APOLD1: variants seen among roughly 807,000 people sequenced by gnomAD.
APOLD1 encodes the protein apolipoprotein L domain-containing protein 1.
Under a neutral mutation model 15.3 loss-of-function variants are expected in APOLD1, and 22 were observed. The ratio of observed to expected loss-of-function variants is 1.44; its 90% CI spans 1.03 to 2.05. The LOEUF (loss-of-function observed/expected upper bound fraction) is 2.05, where lower values mean the gene tolerates loss of function less well. APOLD1 is among the 30% of genes most tolerant of loss of function. The pLI is 0.00. For synonymous variants in APOLD1, 190 were observed against 167.4 expected (o/e 1.13, Z -1.04); for missense variants, 394 against 353.5 (o/e 1.11, Z -0.92).
chr12:12,761,808 C>T (rs573860751), intron 1 of APOLD1, among the ~76,000 whole-genome samples: 2,306 of 79,678 alleles, frequency 0.029, 103 homozygotes, highest in African/African-American at 0.1. Context: ...TATACATGAA[C>T]ATATACATAT....
intron 1 of APOLD1, among the ~76,000 whole-genome samples, chr12:12,743,327 C>T (rs1946741739): frequency 6.6e-6 from 1 of 152,006 alleles, no homozygotes; most frequent in Admixed American, 6.5e-5. Flanking sequence ...CCCAGTCAAT[C>T]ACTGATGCCA....
At chr12:12,742,129 G>A (rs1308401522) in intron 1 of APOLD1, among the ~76,000 whole-genome samples, 1 of 152,086 alleles carries the variant, frequency 6.6e-6, no homozygotes, top group Non-Finnish European at 1.5e-5. Context: ...AGCTATGTCC[G>A]GAATGGCTCT....
chr12:12,765,396 AT>A (rs1341260767), intron 1 of APOLD1, among the ~76,000 whole-genome samples: 1 of 152,184 alleles, frequency 6.6e-6, no homozygotes, highest in Non-Finnish European at 1.5e-5. Context: ...AGAATTATGC[AT>A]TTTTTGTGAT....
intron 1 of APOLD1, among the ~76,000 whole-genome samples, chr12:12,754,360 G>A (rs1057512896): frequency 3.3e-5 from 5 of 152,016 alleles, no homozygotes; most frequent in African/African-American, 1.2e-4. Flanking sequence ...ACCACACCTG[G>A]CCAACAATAA....
intron 1 of APOLD1, among the ~76,000 whole-genome samples, chr12:12,726,568 G>A (rs182435110): frequency 6.6e-6 from 1 of 152,268 alleles, no homozygotes; most frequent in East Asian, 1.9e-4. Context: ...CTCCATATTA[G>A]CGAAATTTGC....
intron 1 of APOLD1, among the ~76,000 whole-genome samples, chr12:12,755,168 T>A (rs1946847813): frequency 6.6e-6 from 1 of 152,212 alleles, no homozygotes; most frequent in Non-Finnish European, 1.5e-5. Context: ...ATGAAAACTT[T>A]ATTTGTATAA....
chr12:12,729,535 C>T (rs1206400490), intron 1 of APOLD1, among the ~76,000 whole-genome samples: 2 of 152,008 alleles, frequency 1.3e-5, no homozygotes, highest in South Asian at 2.1e-4. Flanking sequence ...GTTGAGATTA[C>T]AGTTGTGAGC....
chr12:12,778,840 T>C (rs1214007381), intron 1 of APOLD1, among the ~76,000 whole-genome samples: 1 of 152,240 alleles, frequency 6.6e-6, no homozygotes, highest in Non-Finnish European at 1.5e-5. Context: ...TCTAACTGTC[T>C]CCTGGCTTTA....
chr12:12,763,860 A>C (rs1946922854), intron 1 of APOLD1, among the ~76,000 whole-genome samples: 1 of 152,136 alleles, frequency 6.6e-6, no homozygotes, highest in Non-Finnish European at 1.5e-5. Flanking sequence ...ATTATTTTTA[A>C]GTTTTTTTTC....
chr12:12,768,887 T>C (rs917351256), intron 1 of APOLD1, among the ~76,000 whole-genome samples: 3 of 151,524 alleles, frequency 2.0e-5, no homozygotes, highest in African/African-American at 7.3e-5. Flanking sequence ...GGAAAAAAAG[T>C]GGATTAGGAA....
chr12:12,764,661 T>G (rs1283293984), intron 1 of APOLD1: 1 of 493,420 alleles, frequency 2.0e-6, no homozygotes, highest in South Asian at 1.6e-5. Context: ...TGAGTGCGTT[T>G]CCAAGTGTGA....
At chr12:12,782,038 C>G (rs1192042458), upstream of APOLD1, among the ~76,000 whole-genome samples, 2 of 151,716 alleles carry the variant, frequency 1.3e-5, no homozygotes, top group Admixed American at 6.6e-5. Flanking sequence ...GTGGGCAGAT[C>G]ACCTGAGGTC....
chr12:12,751,915 G>A (rs1946814682), intron 1 of APOLD1, among the ~76,000 whole-genome samples: 1 of 152,180 alleles, frequency 6.6e-6, no homozygotes, highest in Non-Finnish European at 1.5e-5. Context: ...GGAATGATGA[G>A]CTTTGGAGAT....
At chr12:12,747,746 T>A (rs978519015) in intron 1 of APOLD1, among the ~76,000 whole-genome samples, 1 of 152,208 alleles carries the variant, frequency 6.6e-6, no homozygotes, top group Non-Finnish European at 1.5e-5. Context: ...CAACATTTGG[T>A]TCATTGGCTA....
chr12:12,756,039 A>G (rs1946855548), intron 1 of APOLD1, among the ~76,000 whole-genome samples: 1 of 152,190 alleles, frequency 6.6e-6, no homozygotes, highest in Admixed American at 6.5e-5. Flanking sequence ...AACCCTGACT[A>G]ATCCAAGTCA....
At chr12:12,741,978 A>G (rs1489575977) in intron 1 of APOLD1, among the ~76,000 whole-genome samples, 5 of 152,178 alleles carry the variant, frequency 3.3e-5, no homozygotes, top group Admixed American at 3.3e-4. Context: ...TCGATCCTAA[A>G]TTATTCTCTT....
intron 1 of APOLD1, among the ~76,000 whole-genome samples, chr12:12,760,294 C>T (rs539796716): frequency 6.6e-6 from 1 of 151,972 alleles, no homozygotes; most frequent in South Asian, 2.1e-4. Flanking sequence ...CCACTGTACT[C>T]CAGCCTGGGT....
At chr12:12,775,081 GT>G (rs1482676801) in intron 1 of APOLD1, among the ~76,000 whole-genome samples, 4 of 152,194 alleles carry the variant, frequency 2.6e-5, no homozygotes, top group Non-Finnish European at 5.9e-5. Context: ...TGAATAAATG[GT>G]GGCATATCCA....
rs1947133474 is a variant in APOLD1, at chr12:12,787,007, G to A, written c.102G>A (p.Gln34=). The part of the protein sequence containing the change: ...LLDRRGRLHG[Q]VLRLREVARR... ...ACCGCCGAGGCCGGCTGCACGGCCAGGTGCTGCGCCTGCGCGAGGTGGCCC... is the reference window on the plus strand; with the variant it reads ...ACCGCCGAGGCCGGCTGCACGGCCAAGTGCTGCGCCTGCGCGAGGTGGCCC... The change falls in exon 2 of 2, where the codon CAG becomes CAA. Residue 34 remains glutamine, a synonymous_variant. Transcript: ENST00000356591. This position sits in a 1 kb window ranked among gnomAD's most constrained non-coding sequence, Gnocchi z 4.9. 1 of 1,399,856 alleles carries A rather than the reference G, an allele frequency of 7.1e-7. No homozygotes were observed. Among genetic ancestry groups the A allele is most frequent in the Non-Finnish European group, 9.2e-7 (1 of 1,088,930 alleles). The allele number at this position is 1,399,856 out of a possible 1,614,324, so 86.7% of individuals were successfully genotyped here.
Sources: allele counts gnomAD v4.1 joint callset (sites outside exome capture counted in the v4.1 genomes callset), GRCh38; gene constraint gnomAD v4.1.1; non-coding constraint Gnocchi (gnomAD v3.1); transcripts MANE v1.5; gene names NCBI Gene and HGNC (gene_info 2026-07-23, HGNC 2026-07-21).